PTPN2: variants seen among roughly 807,000 people sequenced by gnomAD.
PTPN2 encodes protein tyrosine phosphatase non-receptor type 2.
In PTPN2, 19 loss-of-function variants were observed where a neutral mutation model predicts 57.3. The ratio of observed to expected loss-of-function variants is 0.33; its 90% CI spans 0.23 to 0.49. PTPN2 has a LOEUF of 0.49. Among genes scored for constraint, PTPN2 ranks in the 20% least tolerant of loss-of-function variants. The pLI is 0.99. For synonymous variants in PTPN2, 153 were observed against 164.9 expected (o/e 0.93, Z 0.55); for missense variants, 358 against 501.1 (o/e 0.71, Z 2.73).
chr18:12,841,299 G>A (rs1056074388), intron 2 of PTPN2, among the ~76,000 whole-genome samples: 1 of 152,216 alleles, frequency 6.6e-6, no homozygotes, highest in African/African-American at 2.4e-5. Flanking sequence ...CATTAAGGGC[G>A]GACCCTGAAG....
chr18:12,876,315 A>AAGAAGAAGAAAT (rs1555681239), intron 1 of PTPN2, among the ~76,000 whole-genome samples: 14 of 151,060 alleles, frequency 9.3e-5, no homozygotes, highest in African/African-American at 3.5e-4. Flanking sequence ...GAAGAAGAAG[A>AAGAAGAAGAAAT]AATTTGTCAG....
rs549913046 is a variant in PTPN2 at position 12,794,197 on chromosome 18, C to T, written c.*81G>A. The T allele has an allele frequency of 7.0e-5, 110 of 1,575,008 alleles. No individual in the cohort carries two copies. In the African/African-American group the frequency reaches 8.4e-4, roughly 12 times the overall value. ...ACTGCACCGTTTTTGGGATATGAGG[C>T]GTTTGCTGCAGACAAACCCCTATGA... On this transcript the variant is annotated 3_prime_UTR_variant, in exon 9 of 9. Coordinates refer to ENST00000309660, the MANE Select transcript of PTPN2 (RefSeq NM_002828.4).
chr18:12,826,131 G>A lies in PTPN2; in HGVS notation c.361-187C>T, dbSNP rs540833083. 9.2e-5 allele frequency among the ~76,000 whole-genome samples: 14 copies of A among 152,270 alleles called. No homozygotes were observed. The South Asian group carries it at 2.9e-3, about 32-fold the overall frequency. ...AGATTGAAATTTTATAGCCGGGCGC[G>A]GTGACTCACGCCTGTAATCCCAACA... On this transcript the variant is annotated intron_variant, in intron 4 of 8. Coordinates refer to ENST00000309660, the MANE Select transcript of PTPN2 (RefSeq NM_002828.4).
intron 1 of PTPN2, among the ~76,000 whole-genome samples, chr18:12,868,287 C>T (rs1452379310): frequency 6.6e-6 from 1 of 151,990 alleles, no homozygotes; most frequent in African/African-American, 2.4e-5. Context: ...TCTGTCTGGA[C>T]TGACTGGAGA....
Position 12,851,544 on chromosome 18 carries a change from A to G in PTPN2, c.160+7620T>C, listed in dbSNP as rs192732697. Among the ~76,000 whole-genome samples the G allele has an allele frequency of 1.4e-4, 21 of 152,294 alleles. No homozygotes were observed. In the East Asian group the frequency reaches 4.0e-3, roughly 29 times the overall value. Reference sequence around the variant, plus strand: ...ATTATATAAATCTATTTCTTTACAAATATCTTGTCTTATTAAGAAGCCCAT... The same window carrying G: ...ATTATATAAATCTATTTCTTTACAAGTATCTTGTCTTATTAAGAAGCCCAT... On this transcript the variant is annotated intron_variant, in intron 2 of 8. Transcript: ENST00000309660.
At chr18:12,816,970 C>T (rs986673058) in intron 6 of PTPN2, among the ~76,000 whole-genome samples, 186 bp downstream of exon 6, 1 of 152,012 alleles carries the variant, frequency 6.6e-6, no homozygotes. Flanking sequence ...GGATACATTC[C>T]TACCAGTCAT....
chr18:12,867,342 A>G lies in PTPN2; in HGVS notation c.70-8088T>C, dbSNP rs143477587. On this transcript the variant is annotated intron_variant, in intron 1 of 8. Transcript: ENST00000309660. Reference sequence around the variant, plus strand: ...TCAATAAATAAATAAATAAATAAATAAATGAAATAAAAATGGAACTCCTGT... The same window carrying G: ...TCAATAAATAAATAAATAAATAAATGAATGAAATAAAAATGGAACTCCTGT... Among the ~76,000 whole-genome samples the G allele has an allele frequency of 2.2e-3, 336 of 152,038 alleles. 1 individual carries two copies. Among genetic ancestry groups the G allele is most frequent in the African/African-American group, 7.3e-3 (302 of 41,450 alleles).
intron 2 of PTPN2, among the ~76,000 whole-genome samples, chr18:12,857,142 T>C (rs1319090897): frequency 6.7e-6 from 1 of 149,356 alleles, no homozygotes; most frequent in East Asian, 2.0e-4. Flanking sequence ...GTGCATCCAA[T>C]AATTGCAATT....
intron 7 of PTPN2, among the ~76,000 whole-genome samples, chr18:12,807,584 A>ATATATATATAT (rs1555660747): frequency 7.3e-5 from 4 of 55,006 alleles, no homozygotes; most frequent in African/African-American, 2.0e-4. Flanking sequence ...AAAAAAAAAA[A>ATATATATATAT]AAATATATAT....
At chr18:12,879,309 T>C (rs9954778) in intron 1 of PTPN2, among the ~76,000 whole-genome samples, 20,712 of 152,140 alleles carry the variant, frequency 0.14, 2,824 homozygotes, top group African/African-American at 0.35. Flanking sequence ...GCCAGCACTC[T>C]TTCACGATCA....
chr18:12,798,265 G>A (rs1314195018), intron 8 of PTPN2, among the ~76,000 whole-genome samples: 4 of 152,128 alleles, frequency 2.6e-5, no homozygotes, highest in Non-Finnish European at 4.4e-5. Context: ...TCAGGGGTAC[G>A]TCCATGTGCA....
At chr18:12,844,915 G>T (rs955230761) in intron 2 of PTPN2, among the ~76,000 whole-genome samples, 2 of 152,042 alleles carry the variant, frequency 1.3e-5, no homozygotes, top group Non-Finnish European at 2.9e-5. Flanking sequence ...TTTGTGTAAG[G>T]TGTGAGATTT....
rs1598726998 is a variant in PTPN2 at position 12,794,059 on chromosome 18, CTTTAT to C, written c.*214_*218del. Reference sequence around the variant, plus strand: ...ACCAGTTTTTAACAAACATGAATGTCTTTATTTTAGACAGCCATTTACAGTTTGGG... The same window carrying C: ...ACCAGTTTTTAACAAACATGAATGTCTTTAGACAGCCATTTACAGTTTGGG... On this transcript the variant is annotated 3_prime_UTR_variant, in exon 9 of 9. Coordinates refer to ENST00000309660, the MANE Select transcript of PTPN2 (RefSeq NM_002828.4). The C allele has an allele frequency of 2.8e-6, 4 of 1,407,820 alleles. No homozygotes were observed. In the African/African-American group the frequency reaches 4.3e-5, roughly 15 times the overall value. 87.2% of individuals were successfully genotyped at this position (1,407,820 alleles called of 1,614,324 possible).
downstream of PTPN2, among the ~76,000 whole-genome samples, chr18:12,790,979 A>G (rs1334262984): frequency 6.6e-6 from 1 of 152,248 alleles, no homozygotes; most frequent in African/African-American, 2.4e-5. Context: ...CTCCTCTAAC[A>G]CAAGAAATGG....
intron 2 of PTPN2, among the ~76,000 whole-genome samples, chr18:12,843,479 CT>C (rs1468874489): frequency 1.3e-5 from 2 of 152,176 alleles, no homozygotes; most frequent in Non-Finnish European, 2.9e-5. Flanking sequence ...GCTGACTGTC[CT>C]GGACTCCAGC....
intron 2 of PTPN2, among the ~76,000 whole-genome samples, chr18:12,855,480 T>A (rs2043555447): frequency 6.6e-6 from 1 of 151,916 alleles, no homozygotes; most frequent in Non-Finnish European, 1.5e-5. Context: ...TCCTGGGACT[T>A]TAGGGAAGGA....
intron 7 of PTPN2, among the ~76,000 whole-genome samples, chr18:12,813,572 GACAGTCGATCTTCTT>G (rs2145301200): frequency 6.6e-6 from 1 of 152,286 alleles, no homozygotes; most frequent in Admixed American, 6.5e-5. Context: ...ATAATGAAAA[GACAGTCGATCTTCTT>G]ATATTATGCA....
chr18:12,857,962 T>C (rs1335534832), intron 2 of PTPN2, among the ~76,000 whole-genome samples: 1 of 152,218 alleles, frequency 6.6e-6, no homozygotes, highest in Non-Finnish European at 1.5e-5. Flanking sequence ...TACACCCTTC[T>C]TGGAAATGTA....
chr18:12,807,582 A>AG (rs764663687), intron 7 of PTPN2, among the ~76,000 whole-genome samples: 1 of 61,494 alleles, frequency 1.6e-5, no homozygotes, highest in Non-Finnish European at 3.5e-5. Flanking sequence ...AAAAAAAAAA[A>AG]AAAAATATAT....
Sources: allele counts gnomAD v4.1 joint callset (sites outside exome capture counted in the v4.1 genomes callset), GRCh38; gene constraint gnomAD v4.1.1; transcripts MANE v1.5; gene names NCBI Gene and HGNC (gene_info 2026-07-23, HGNC 2026-07-21).